PTPRJ: variants seen among roughly 807,000 people sequenced by gnomAD.
The protein encoded by PTPRJ is receptor-type tyrosine-protein phosphatase eta.
In PTPRJ, 129 loss-of-function variants were observed where a neutral mutation model predicts 141.3. The ratio of observed to expected loss-of-function variants is 0.91; its 90% CI spans 0.79 to 1.06. PTPRJ has a LOEUF of 1.06. PTPRJ is among the 50% of genes least tolerant of loss of function. PTPRJ has a pLI of 0.00. For synonymous variants in PTPRJ, 610 were observed against 640.5 expected (o/e 0.95, Z 0.72); for missense variants, 1,601 against 1,679.7 (o/e 0.95, Z 0.82).
At chr11:48,156,322 C>CT (rs1433195281) in intron 21 of PTPRJ, among the ~76,000 whole-genome samples, 1 of 151,696 alleles carries the variant, frequency 6.6e-6, no homozygotes, top group South Asian at 2.1e-4. Flanking sequence ...TTGTCATTAT[C>CT]TTTTTTTTGG....
chr11:48,078,819 T>G (rs1555042122), intron 1 of PTPRJ, among the ~76,000 whole-genome samples: 33 of 90,370 alleles, frequency 3.7e-4, no homozygotes, highest in Admixed American at 7.4e-4. Flanking sequence ...TTTTTTTTTT[T>G]GTGGAACACA....
At chr11:48,047,253 A>G (rs1459773043) in intron 1 of PTPRJ, among the ~76,000 whole-genome samples, 1 of 152,112 alleles carries the variant, frequency 6.6e-6, no homozygotes, top group African/African-American at 2.4e-5. Flanking sequence ...TTGCAGAAGA[A>G]TTATCAATCC....
chr11:47,994,757 G>A (rs1854287151), intron 1 of PTPRJ, among the ~76,000 whole-genome samples: 1 of 152,164 alleles, frequency 6.6e-6, no homozygotes, highest in Non-Finnish European at 1.5e-5. Flanking sequence ...ATAAAAAGCA[G>A]GCATCTTGCT....
chr11:48,113,115 G>A (rs1046184098), intron 3 of PTPRJ, 132 bp downstream of exon 3: 10 of 671,268 alleles, frequency 1.5e-5, no homozygotes, highest in African/African-American at 3.6e-5. Flanking sequence ...TATAAAGATA[G>A]TAATGCATAT....
chr11:48,157,101 G>C (rs1306522210), intron 21 of PTPRJ, among the ~76,000 whole-genome samples: 1 of 151,926 alleles, frequency 6.6e-6, no homozygotes, highest in East Asian at 1.9e-4. Context: ...CGATTCTCCT[G>C]CCTCAGCCTC....
chr11:48,099,054 C>G (rs1392929530), intron 1 of PTPRJ, among the ~76,000 whole-genome samples: 1 of 152,178 alleles, frequency 6.6e-6, no homozygotes, highest in Non-Finnish European at 1.5e-5. Context: ...CATAATCCTT[C>G]CTTTCAGAGG....
intron 4 of PTPRJ, among the ~76,000 whole-genome samples, chr11:48,123,064 C>T (rs1054517719): frequency 4.6e-5 from 7 of 152,112 alleles, no homozygotes; most frequent in Non-Finnish European, 7.4e-5. Context: ...CCAAATAACG[C>T]GATGGGAGGA....
chr11:48,023,506 G>A (rs1277280252), intron 1 of PTPRJ, among the ~76,000 whole-genome samples: 1 of 151,992 alleles, frequency 6.6e-6, no homozygotes, highest in Non-Finnish European at 1.5e-5. Flanking sequence ...TTTACCGGCC[G>A]GGTGCGGTGG....
intron 11 of PTPRJ, among the ~76,000 whole-genome samples, chr11:48,142,260 T>C (rs1009995879): frequency 2.6e-5 from 4 of 152,242 alleles, no homozygotes; most frequent in Non-Finnish European, 4.4e-5. Context: ...TGAATAAATA[T>C]ATCTTGAAAT....
At chr11:48,160,967 C>A (rs1857756624) in intron 22 of PTPRJ, among the ~76,000 whole-genome samples, 1 of 151,754 alleles carries the variant, frequency 6.6e-6, no homozygotes, top group Non-Finnish European at 1.5e-5. Flanking sequence ...GGTTTGAGAC[C>A]AGCTTGGGCA....
chr11:47,984,137 G>A (rs115326097), intron 1 of PTPRJ, among the ~76,000 whole-genome samples: 35 of 152,346 alleles, frequency 2.3e-4, no homozygotes, highest in African/African-American at 8.4e-4. Flanking sequence ...ACTTTGAGCT[G>A]ACTTCAAGTT....
At chr11:48,147,055 G>A in intron 15 of PTPRJ, 92 bp downstream of exon 15, 1 of 1,049,266 alleles carries the variant, frequency 9.5e-7, no homozygotes. Context: ...CAGAAGGAAT[G>A]ATATGATGAG....
intron 12 of PTPRJ, among the ~76,000 whole-genome samples, chr11:48,143,491 C>T (rs1354827316): frequency 6.6e-6 from 1 of 152,138 alleles, no homozygotes; most frequent in Non-Finnish European, 1.5e-5. Flanking sequence ...TTAACCAACT[C>T]TGTCTCTCTC....
At chr11:47,986,427 G>C (rs930995732) in intron 1 of PTPRJ, among the ~76,000 whole-genome samples, 1 of 152,212 alleles carries the variant, frequency 6.6e-6, no homozygotes, top group Non-Finnish European at 1.5e-5. Flanking sequence ...GAATTGCTAC[G>C]TAACACCTAA....
intron 15 of PTPRJ, among the ~76,000 whole-genome samples, chr11:48,148,162 T>TG (rs974655753): frequency 7.2e-5 from 11 of 152,110 alleles, no homozygotes; most frequent in African/African-American, 1.4e-4. Flanking sequence ...GTTCTGATTT[T>TG]GGGGGGGGAA....
Position 48,130,557 on chromosome 11 carries a change from A to G in PTPRJ, c.1456A>G (p.Ile486Val), listed in dbSNP as rs1856950391. The change falls in exon 8 of 25, where the codon ATC (isoleucine) becomes GTC (valine). Residue 486 changes from isoleucine (I) to valine (V), a missense_variant. By Grantham distance (29) the Ile-to-Val change is conservative. Transcript: ENST00000418331. Reference protein sequence around the residue: ...SHDAESFQMHITQEGAGNSRV... With the variant: ...SHDAESFQMHVTQEGAGNSRV... ...TGATGCAGAATCATTTCAGATGCATATCACACAGGAGGGAGCTGGCAATTC... is the reference window on the plus strand; with the variant it reads ...TGATGCAGAATCATTTCAGATGCATGTCACACAGGAGGGAGCTGGCAATTC... 2 of 1,614,178 alleles carry G rather than the reference A, an allele frequency of 1.2e-6. No individual in the cohort carries two copies. Among genetic ancestry groups the G allele is most frequent in the Non-Finnish European group, 1.7e-6 (2 of 1,180,036 alleles).
chr11:48,006,709 C>G (rs1294792399), intron 1 of PTPRJ, among the ~76,000 whole-genome samples: 3 of 152,164 alleles, frequency 2.0e-5, no homozygotes, highest in African/African-American at 7.2e-5. Flanking sequence ...ACCCAGTGTC[C>G]TTGCCTATCT....
chr11:48,124,226 C>T (rs775201299), intron 5 of PTPRJ, among the ~76,000 whole-genome samples: 2 of 152,202 alleles, frequency 1.3e-5, no homozygotes, highest in Non-Finnish European at 2.9e-5. Flanking sequence ...TTGTCATTTG[C>T]AGGTTTCATA....
Position 48,168,532 on chromosome 11 carries a change from G to GTATATACA in PTPRJ, c.*1171_*1172insATATACAT. ...GCCGTGACACATATCGGAATCTACT[G>GTATATACA]TGTATATATATATATATATATATAT... On this transcript the variant is annotated 3_prime_UTR_variant, in exon 25 of 25. Coordinates refer to ENST00000418331, the MANE Select transcript of PTPRJ (RefSeq NM_002843.4). 1 of 43,900 alleles carries GTATATACA rather than the reference G, an allele frequency of 2.3e-5. No homozygotes were observed. Among genetic ancestry groups the GTATATACA allele is most frequent in the East Asian group, 8.9e-4 (1 of 1,124 alleles). 2.7% of individuals were successfully genotyped at this position (43,900 alleles called of 1,614,324 possible). A position where few individuals can be genotyped will look rare whatever the true frequency, so the allele number is the denominator to read the frequency against.
Sources: allele counts gnomAD v4.1 joint callset (sites outside exome capture counted in the v4.1 genomes callset), GRCh38; gene constraint gnomAD v4.1.1; transcripts MANE v1.5; gene names NCBI Gene and HGNC (gene_info 2026-07-23, HGNC 2026-07-21).